Variants in UVRAG observed in about 807,000 individuals in gnomAD.
UVRAG encodes UV radiation resistance associated.
A neutral mutation model predicts 78.0 loss-of-function variants in UVRAG; 19 were observed. That is an observed-to-expected ratio of 0.24 (90% CI 0.17 to 0.36). The LOEUF is 0.36. Ranked by LOEUF, UVRAG falls within the 10% of genes least tolerant of loss-of-function variation. UVRAG has a pLI of 1.00. For missense variants in UVRAG, 740 were observed against 853.8 expected (o/e 0.87, Z 1.66); for synonymous variants, 323 against 324.6 (o/e 1.00, Z 0.05).
At chr11:76,034,121 TATTTA>T (rs1363696052) in intron 12 of UVRAG, among the ~76,000 whole-genome samples, 1 of 152,222 alleles carries the variant, frequency 6.6e-6, no homozygotes, top group African/African-American at 2.4e-5. Context: ...ATATAGCTAA[TATTTA>T]ATTGTTTTAA....
At chr11:75,871,663 A>C (rs1054425957) in intron 3 of UVRAG, among the ~76,000 whole-genome samples, 1 of 152,236 alleles carries the variant, frequency 6.6e-6, no homozygotes, top group Non-Finnish European at 1.5e-5. Flanking sequence ...TCTAATGAAC[A>C]TATCCTTTGC....
chr11:75,924,971 G>A (rs907326039), intron 6 of UVRAG, among the ~76,000 whole-genome samples: 2 of 152,196 alleles, frequency 1.3e-5, no homozygotes, highest in Non-Finnish European at 2.9e-5. Context: ...AATAAAATCA[G>A]CGTAAAGAAG....
chr11:75,922,945 A>G (rs926261187), intron 6 of UVRAG, among the ~76,000 whole-genome samples: 5 of 148,724 alleles, frequency 3.4e-5, no homozygotes, highest in South Asian at 2.1e-4. Flanking sequence ...AAGGAAAAAA[A>G]AAAAAAGAAA....
At chr11:75,953,323 A>G (rs1464926037) in intron 6 of UVRAG, among the ~76,000 whole-genome samples, 1 of 152,182 alleles carries the variant, frequency 6.6e-6, no homozygotes, top group African/African-American at 2.4e-5. Flanking sequence ...TCTAAAGTGC[A>G]AATGTAATTA....
At chr11:75,935,230 G>A (rs1417742099) in intron 6 of UVRAG, among the ~76,000 whole-genome samples, 2 of 152,080 alleles carry the variant, frequency 1.3e-5, no homozygotes, top group African/African-American at 4.8e-5. Context: ...TTGAAATATT[G>A]TTCATACAAT....
At chr11:75,931,075 CAG>C (rs1314816041) in intron 6 of UVRAG, among the ~76,000 whole-genome samples, 16 of 151,688 alleles carry the variant, frequency 1.1e-4, no homozygotes, top group African/African-American at 3.6e-4. Context: ...GTTAGCATGA[CAG>C]AACTATAAAT....
chr11:75,933,005 ACTC>A (rs987845297), intron 6 of UVRAG, among the ~76,000 whole-genome samples: 5 of 152,134 alleles, frequency 3.3e-5, no homozygotes, highest in African/African-American at 4.8e-5. Flanking sequence ...AAAAAAGAAA[ACTC>A]CTAAAATTTA....
intron 4 of UVRAG, among the ~76,000 whole-genome samples, chr11:75,881,688 A>AT (rs1430494215): frequency 6.6e-6 from 1 of 152,198 alleles, no homozygotes; most frequent in Non-Finnish European, 1.5e-5. Context: ...AAGAACTGGG[A>AT]TTACAGGCAT....
chr11:75,881,488 T>G (rs1355547923), intron 4 of UVRAG, among the ~76,000 whole-genome samples: 1 of 152,200 alleles, frequency 6.6e-6, no homozygotes, highest in African/African-American at 2.4e-5. Context: ...CAGATATGCA[T>G]CTATCTCAGT....
At chr11:75,923,639 AT>A (rs1224446061) in intron 6 of UVRAG, among the ~76,000 whole-genome samples, 2 of 152,172 alleles carry the variant, frequency 1.3e-5, no homozygotes, top group Non-Finnish European at 2.9e-5. Context: ...TAGCTAGTAA[AT>A]CATCCAGTTC....
intron 13 of UVRAG, among the ~76,000 whole-genome samples, chr11:76,090,002 G>T (rs115784548): frequency 6.6e-6 from 1 of 152,048 alleles, no homozygotes; most frequent in Non-Finnish European, 1.5e-5. Flanking sequence ...TTCTACCTCC[G>T]CCCTCGCTAG....
rs544291508 is a variant in UVRAG, at chr11:76,142,439, C to T, written c.*1026C>T. 2.6e-5 allele frequency: 4 copies of T among 152,590 alleles called. No homozygotes were observed. Among genetic ancestry groups the T allele is most frequent in the African/African-American group, 4.8e-5 (2 of 41,538 alleles). 9.5% of individuals were successfully genotyped at this position (152,590 alleles called of 1,614,324 possible). ...GAGATAGTTGGATTAAGAGGCTAGA[C>T]GAGACATAGAATACTATTGGTATGT... On this transcript the variant is annotated 3_prime_UTR_variant, in exon 15 of 15. Transcript: ENST00000356136.
rs193020320 is a variant in UVRAG at position 76,007,152 on chromosome 11, G to A, written c.912-382G>A. Among the ~76,000 whole-genome samples, 35 of 151,962 alleles carry A rather than the reference G, an allele frequency of 2.3e-4. 1 individual carries two copies. In the East Asian group the frequency reaches 6.4e-3, roughly 28 times the overall value. Reference sequence around the variant, plus strand: ...ATCAGCCTCCCAAGTAGCTGGGACCGCAGGCATACGTCACCAAGCCAGGCT... The same window carrying A: ...ATCAGCCTCCCAAGTAGCTGGGACCACAGGCATACGTCACCAAGCCAGGCT... On this transcript the variant is annotated intron_variant, in intron 9 of 14. Coordinates refer to ENST00000356136, the MANE Select transcript of UVRAG (RefSeq NM_003369.4).
In UVRAG at chr11:75,983,549, A is replaced by G. The variant is rs773406795; in HGVS notation, c.826+36A>G. 59 of 1,519,698 alleles carry G rather than the reference A, an allele frequency of 3.9e-5. 1 individual carries two copies. In the Admixed American group the frequency reaches 1.1e-3, roughly 28 times the overall value. 94.1% of individuals were successfully genotyped at this position (1,519,698 alleles called of 1,614,324 possible). The stretch of plus-strand genomic sequence containing the variant: ...ATACCATACAAACAGCCTAACCTCC[A>G]CATTCAGTAGTTCTCCTTTCTTCTT... On this transcript the variant is annotated intron_variant, in intron 8 of 14. Coordinates refer to ENST00000356136, the MANE Select transcript of UVRAG (RefSeq NM_003369.4).
intron 7 of UVRAG, among the ~76,000 whole-genome samples, chr11:75,968,385 G>C (rs115987765): frequency 3.3e-5 from 5 of 152,136 alleles, no homozygotes; most frequent in Non-Finnish European, 5.9e-5. Flanking sequence ...CTCATTAGAA[G>C]ATTATGGAAC....
intron 6 of UVRAG, among the ~76,000 whole-genome samples, chr11:75,925,119 G>A (rs1030405448): frequency 6.6e-6 from 1 of 152,148 alleles, no homozygotes; most frequent in Non-Finnish European, 1.5e-5. Flanking sequence ...AGATGTCACT[G>A]CGAATTAAGG....
chr11:75,977,525 T>G (rs1443922803), intron 7 of UVRAG, among the ~76,000 whole-genome samples: 1 of 152,234 alleles, frequency 6.6e-6, no homozygotes, highest in African/African-American at 2.4e-5. Flanking sequence ...TGTAGGTCTC[T>G]AAGGACTTGC....
chr11:75,949,281 T>C (rs1257344386), intron 6 of UVRAG, among the ~76,000 whole-genome samples: 4 of 152,110 alleles, frequency 2.6e-5, no homozygotes, highest in Admixed American at 2.6e-4. Context: ...CTGGATATTC[T>C]GGTTCACAAT....
At chr11:75,855,706 G>C (rs1200082141) in intron 2 of UVRAG, among the ~76,000 whole-genome samples, 1 of 152,134 alleles carries the variant, frequency 6.6e-6, no homozygotes, top group East Asian at 1.9e-4. Context: ...ACATTTCTTA[G>C]TGTCAGAAGA....
Sources: allele counts gnomAD v4.1 joint callset (sites outside exome capture counted in the v4.1 genomes callset), GRCh38; gene constraint gnomAD v4.1.1; transcripts MANE v1.5; gene names NCBI Gene and HGNC (gene_info 2026-07-23, HGNC 2026-07-21).